The following DMD variants were observed in gnomAD, a reference collection of about 807,000 sequenced individuals.
DMD encodes mutant dystrophin.
Under a neutral mutation model 330.1 loss-of-function variants are expected in DMD, and 63 were observed. The ratio of observed to expected loss-of-function variants is 0.19; its 90% CI spans 0.16 to 0.24. The LOEUF (loss-of-function observed/expected upper bound fraction) is 0.24, where lower values mean the gene tolerates loss of function less well. Among genes scored for constraint, DMD ranks in the 10% least tolerant of loss-of-function variants. The pLI is 1.00. For missense variants in DMD, 3,344 were observed against 2,684.1 expected (o/e 1.25, Z -5.43); for synonymous variants, 1,223 against 959.8 (o/e 1.27, Z -5.07).
intron 4 of DMD, among the ~76,000 whole-genome samples, chrX:32,824,242 T>C (rs2078512960): frequency 2.7e-5 from 3 of 111,560 alleles, no homozygotes; most frequent in African/African-American, 6.5e-5. Flanking sequence ...AATCTGGTAA[T>C]TGGGCTCTTG....
intron 43 of DMD, among the ~76,000 whole-genome samples, chrX:32,246,925 C>G (rs1177995289): frequency 9.0e-6 from 1 of 110,872 alleles, no homozygotes; most frequent in Non-Finnish European, 1.9e-5. Context: ...CCACGTACTT[C>G]AGAGTCAAAT....
chrX:32,688,103 C>G (rs1445633287), intron 9 of DMD, among the ~76,000 whole-genome samples: 8 of 111,736 alleles, frequency 7.2e-5, no homozygotes, highest in African/African-American at 2.6e-4. Flanking sequence ...ACAAATAAGC[C>G]GCCCTGACCT....
intron 67 of DMD, among the ~76,000 whole-genome samples, chrX:31,200,086 TA>T (rs1365692649): frequency 8.9e-6 from 1 of 112,226 alleles, no homozygotes; most frequent in African/African-American, 3.2e-5. Flanking sequence ...TGCAAATTGC[TA>T]AAACGCTGAG....
intron 51 of DMD, among the ~76,000 whole-genome samples, chrX:31,768,146 T>C (rs2090117573): frequency 9.0e-6 from 1 of 111,351 alleles, no homozygotes; most frequent in South Asian, 3.8e-4. Flanking sequence ...TGAATTATCC[T>C]GAACACCTGG....
chrX:32,227,061 C>T (rs1309977894), intron 43 of DMD, among the ~76,000 whole-genome samples: 1 of 106,488 alleles, frequency 9.4e-6, no homozygotes, highest in Non-Finnish European at 1.9e-5. Flanking sequence ...GACTGTGACT[C>T]TTTTAAGGTG....
chrX:32,793,731 T>C (rs1424633338), intron 7 of DMD, among the ~76,000 whole-genome samples: 1 of 111,802 alleles, frequency 8.9e-6, no homozygotes, highest in African/African-American at 3.2e-5. Flanking sequence ...TGAACAGATC[T>C]ATAATTAGTA....
rs1264574294 is a variant in DMD, at chrX:31,763,060, C to T, written c.7542+10900G>A. On this transcript the variant is annotated intron_variant, in intron 51 of 78. Coordinates refer to ENST00000357033, the MANE Select transcript of DMD (RefSeq NM_004006.3). ...AACAATATTTATAAAGCACCTAGTA[C>T]ATCTTTAGCGGCTATGTCAAATAGA... Among the ~76,000 whole-genome samples, 4 of 112,643 alleles carry T rather than the reference C, an allele frequency of 3.6e-5. No individual in the cohort carries two copies. The East Asian group carries it at 1.1e-3, about 31-fold the overall frequency.
At chrX:32,372,355 A>G (rs1287633707) in intron 34 of DMD, among the ~76,000 whole-genome samples, 2 of 111,528 alleles carry the variant, frequency 1.8e-5, no homozygotes, top group South Asian at 3.7e-4. Context: ...ATGAATTACT[A>G]TTGCCTACAT....
intron 9 of DMD, among the ~76,000 whole-genome samples, chrX:32,666,724 G>A (rs58856269): frequency 0.031 from 3,398 of 108,800 alleles, 139 homozygotes; most frequent in African/African-American, 0.11. Context: ...ATCTACTTGG[G>A]AGGCTGAGGA....
intron 4 of DMD, among the ~76,000 whole-genome samples, chrX:32,829,972 A>G (rs2079031868): frequency 8.9e-6 from 1 of 111,779 alleles, no homozygotes; most frequent in South Asian, 3.7e-4. Context: ...AAGGATTATT[A>G]TTTATTTTGG....
At chrX:31,252,102 T>C (rs1426215453) in intron 63 of DMD, among the ~76,000 whole-genome samples, 1 of 112,633 alleles carries the variant, frequency 8.9e-6, no homozygotes, top group African/African-American at 3.2e-5. Context: ...TAAAATGCCA[T>C]AAATTTTGAT....
intron 2 of DMD, among the ~76,000 whole-genome samples, chrX:33,009,840 GTA>G (rs1297998044): frequency 2.4e-5 from 1 of 41,747 alleles, no homozygotes; most frequent in Non-Finnish European, 4.2e-5. Flanking sequence ...GTGTATATGT[GTA>G]TATACACACA....
chrX:32,438,601 T>C (rs1175433553), intron 28 of DMD, among the ~76,000 whole-genome samples: 1 of 111,625 alleles, frequency 9.0e-6, no homozygotes, highest in Non-Finnish European at 1.9e-5. Flanking sequence ...TATGACAGTG[T>C]TGCGGACTGA....
At chrX:31,611,007 T>C (rs938905743) in intron 55 of DMD, among the ~76,000 whole-genome samples, 1 of 110,784 alleles carries the variant, frequency 9.0e-6, no homozygotes, top group Non-Finnish European at 1.9e-5. Context: ...AAAAAAATGC[T>C]CCAACACAAG....
intron 49 of DMD, among the ~76,000 whole-genome samples, chrX:31,822,653 G>GTGTGT (rs1556919106): frequency 0.027 from 1,777 of 65,810 alleles, 33 homozygotes; most frequent in South Asian, 0.068. Context: ...AAGGCAGAGG[G>GTGTGT]GTGTGTGTGT....
intron 55 of DMD, among the ~76,000 whole-genome samples, chrX:31,589,648 C>T (rs1304887999): frequency 1.8e-5 from 2 of 111,437 alleles, no homozygotes; most frequent in Non-Finnish European, 3.8e-5. Context: ...CATTTATTGA[C>T]CCATTTTGTT....
At chrX:33,044,579 C>T (rs1421398434) in intron 1 of DMD, among the ~76,000 whole-genome samples, 1 of 112,072 alleles carries the variant, frequency 8.9e-6, no homozygotes, top group Non-Finnish European at 1.9e-5. Flanking sequence ...CTACATATTG[C>T]CTTCTTACCT....
At chrX:31,412,620 T>C (rs1449756721) in intron 60 of DMD, among the ~76,000 whole-genome samples, 1 of 111,749 alleles carries the variant, frequency 8.9e-6, no homozygotes, top group Non-Finnish European at 1.9e-5. Flanking sequence ...CAACGAGAAT[T>C]GAGGCCACCA....
At chrX:32,027,424 A>T (rs190154114) in intron 44 of DMD, among the ~76,000 whole-genome samples, 66 of 111,322 alleles carry the variant, frequency 5.9e-4, no homozygotes, top group Non-Finnish European at 1.1e-3. Flanking sequence ...GACACTAGAG[A>T]TTATCAGTTG....
Sources: allele counts gnomAD v4.1 joint callset (sites outside exome capture counted in the v4.1 genomes callset), GRCh38; gene constraint gnomAD v4.1.1; transcripts MANE v1.5; gene names NCBI Gene and HGNC (gene_info 2026-07-23, HGNC 2026-07-21).